The following LRRTM4 variants were observed in gnomAD, a reference collection of about 807,000 sequenced individuals.
LRRTM4 encodes leucine-rich repeat transmembrane neuronal protein 4.
In LRRTM4, 25 loss-of-function variants were observed where a neutral mutation model predicts 47.6. The observed-to-expected ratio is 0.53, with a 90% CI of 0.38 to 0.73. The LOEUF is 0.73. Among genes scored for constraint, LRRTM4 ranks in the 30% least tolerant of loss-of-function variants. The pLI is 0.00. For missense variants in LRRTM4, 638 were observed against 713.4 expected (o/e 0.89, Z 1.20); for synonymous variants, 311 against 269.5 (o/e 1.15, Z -1.51).
At chr2:77,074,028 C>G (rs1680251812) in intron 3 of LRRTM4, among the ~76,000 whole-genome samples, 1 of 152,104 alleles carries the variant, frequency 6.6e-6, no homozygotes, top group Middle Eastern at 3.4e-3. Flanking sequence ...TTATATTTTT[C>G]CCCTACATTG....
intron 3 of LRRTM4, among the ~76,000 whole-genome samples, chr2:77,266,135 G>A (rs537844878): frequency 4.5e-4 from 68 of 152,218 alleles, no homozygotes; most frequent in Admixed American, 9.2e-4. Context: ...AGTAGTTACC[G>A]CAGAGATCAT....
At chr2:77,029,851 A>C (rs1338943501) in intron 3 of LRRTM4, among the ~76,000 whole-genome samples, 1 of 152,174 alleles carries the variant, frequency 6.6e-6, no homozygotes, top group East Asian at 1.9e-4. Flanking sequence ...AATGACAATG[A>C]AGCAGAGTCC....
chr2:77,029,072 A>T (rs868189306), intron 3 of LRRTM4, among the ~76,000 whole-genome samples: 1 of 140,544 alleles, frequency 7.1e-6, no homozygotes, highest in East Asian at 2.1e-4. Context: ...TATATATATA[A>T]TATATATATA....
chr2:77,125,109 G>C (rs545574085), intron 3 of LRRTM4, among the ~76,000 whole-genome samples: 1 of 152,186 alleles, frequency 6.6e-6, no homozygotes, highest in Admixed American at 6.5e-5. Context: ...ATGATTTCCA[G>C]TGCCAACATG....
At chr2:76,942,610 A>G (rs1675185071) in intron 3 of LRRTM4, among the ~76,000 whole-genome samples, 1 of 150,982 alleles carries the variant, frequency 6.6e-6, no homozygotes, top group East Asian at 1.9e-4. Context: ...AACATTTATG[A>G]ATACTGGTTC....
chr2:77,451,004 A>G (rs1159599263), intron 3 of LRRTM4, among the ~76,000 whole-genome samples: 2 of 152,208 alleles, frequency 1.3e-5, no homozygotes, highest in Non-Finnish European at 2.9e-5. Context: ...TAAAAATTCT[A>G]TATGTAAACT....
At chr2:77,196,690 G>T (rs1032866664) in intron 3 of LRRTM4, among the ~76,000 whole-genome samples, 2 of 152,142 alleles carry the variant, frequency 1.3e-5, no homozygotes, top group African/African-American at 4.8e-5. Flanking sequence ...GAAGTGAGCT[G>T]AGAACGTGCC....
At chr2:77,320,450 C>T (rs892313310) in intron 3 of LRRTM4, among the ~76,000 whole-genome samples, 1 of 152,020 alleles carries the variant, frequency 6.6e-6, no homozygotes, top group African/African-American at 2.4e-5. Context: ...CTGTTGTGCT[C>T]GCATGAGATA....
At chr2:77,070,808 A>C (rs1363411038) in intron 3 of LRRTM4, among the ~76,000 whole-genome samples, 1 of 151,800 alleles carries the variant, frequency 6.6e-6, no homozygotes, top group Admixed American at 6.6e-5. Context: ...TTTTTGTATT[A>C]TTAGTAGAGA....
Position 77,257,799 on chromosome 2 carries a change from A to G in LRRTM4, c.1551+260519T>C, listed in dbSNP as rs568280239. ...CATTAAGTGACATTTTACTGAAGAG[A>G]ACACATTAATGGCAAACGACCATGT... On this transcript the variant is annotated intron_variant, in intron 3 of 3. Coordinates refer to ENST00000409884, the MANE Select transcript of LRRTM4 (RefSeq NM_001134745.3). 2.6e-5 allele frequency among the ~76,000 whole-genome samples: 4 copies of G among 152,102 alleles called. No individual in the cohort carries two copies. The East Asian group carries it at 7.7e-4, about 29-fold the overall frequency.
chr2:76,995,881 G>A (rs1424884229), intron 3 of LRRTM4, among the ~76,000 whole-genome samples: 1 of 152,002 alleles, frequency 6.6e-6, no homozygotes, highest in Non-Finnish European at 1.5e-5. Context: ...AGATGAATTG[G>A]CATATCAAGG....
At chr2:77,418,631 C>T (rs1202249105) in intron 3 of LRRTM4, among the ~76,000 whole-genome samples, 1 of 152,188 alleles carries the variant, frequency 6.6e-6, no homozygotes, top group Non-Finnish European at 1.5e-5. Context: ...ATCTCTTTCA[C>T]CTTCTGCTTT....
chr2:77,130,812 A>AT (rs1671776010), intron 3 of LRRTM4, among the ~76,000 whole-genome samples: 1 of 104,090 alleles, frequency 9.6e-6, no homozygotes, highest in African/African-American at 3.7e-5. Context: ...TGCCCGGCCA[A>AT]TTATTTGTTC....
intron 3 of LRRTM4, among the ~76,000 whole-genome samples, chr2:77,014,523 T>TATATATA (rs1677989293): frequency 2.0e-5 from 3 of 149,668 alleles, no homozygotes; most frequent in Admixed American, 1.3e-4. Context: ...TATATAAAGA[T>TATATATA]TTTATAGGCC....
chr2:77,420,444 T>A (rs1464209646), intron 3 of LRRTM4, among the ~76,000 whole-genome samples: 1 of 152,100 alleles, frequency 6.6e-6, no homozygotes, highest in East Asian at 1.9e-4. Flanking sequence ...GTTAGAAATT[T>A]AAACGCAGCT....
chr2:76,777,732 C>G (rs1338776633), intron 3 of LRRTM4, among the ~76,000 whole-genome samples: 1 of 149,366 alleles, frequency 6.7e-6, no homozygotes, highest in Non-Finnish European at 1.5e-5. Context: ...TCCTCTTTTC[C>G]TAACTGAATA....
At chr2:77,102,359 TCCACG>T in intron 3 of LRRTM4, among the ~76,000 whole-genome samples, 1 of 152,302 alleles carries the variant, frequency 6.6e-6, no homozygotes, top group South Asian at 2.1e-4. Context: ...GTTTGTTAAT[TCCACG>T]TATTCCCACT....
chr2:76,807,569 G>C (rs966789696), intron 3 of LRRTM4, among the ~76,000 whole-genome samples: 2 of 147,482 alleles, frequency 1.4e-5, no homozygotes, highest in African/African-American at 5.0e-5. Context: ...TTTCTATTTA[G>C]TTTTATTTTC....
intron 3 of LRRTM4, among the ~76,000 whole-genome samples, chr2:76,783,183 T>C (rs1262586418): frequency 6.6e-6 from 1 of 152,172 alleles, no homozygotes; most frequent in African/African-American, 2.4e-5. Flanking sequence ...ATCACATTAT[T>C]TTCCTCACTA....
Sources: allele counts gnomAD v4.1 joint callset (sites outside exome capture counted in the v4.1 genomes callset), GRCh38; gene constraint gnomAD v4.1.1; transcripts MANE v1.5; gene names NCBI Gene and HGNC (gene_info 2026-07-23, HGNC 2026-07-21).